The following DNAH5 variants were observed in gnomAD, a reference collection of about 807,000 sequenced individuals.
DNAH5 encodes dynein axonemal heavy chain 5.
Under a neutral mutation model 518.2 loss-of-function variants are expected in DNAH5, and 372 were observed. The observed-to-expected ratio is 0.72, with a 90% CI of 0.66 to 0.78. The LOEUF is 0.78. DNAH5 is among the 30% of genes least tolerant of loss of function. The pLI, the probability that DNAH5 is intolerant of heterozygous loss-of-function variation, is 0.00. For synonymous variants in DNAH5, 2,039 were observed against 2,025.9 expected (o/e 1.01, Z -0.17); for missense variants, 5,523 against 5,687.0 (o/e 0.97, Z 0.93).
At chr5:13,692,817 A>G (rs2126339479) in intron 78 of DNAH5, among the ~76,000 whole-genome samples, 1 of 152,274 alleles carries the variant, frequency 6.6e-6, no homozygotes, top group Non-Finnish European at 1.5e-5. Context: ...TTTCTAACAC[A>G]TCCATCTCCA....
intron 1 of DNAH5, among the ~76,000 whole-genome samples, chr5:13,971,157 T>C (rs1008815590): frequency 6.6e-6 from 1 of 152,204 alleles, no homozygotes; most frequent in African/African-American, 2.4e-5. Context: ...ATTTAGGCTA[T>C]TTCTCTGGAA....
chr5:13,766,140 C>T lies in DNAH5; in HGVS notation c.9937G>A (p.Gly3313Ser). Residue 3313 changes from glycine to serine, a missense_variant, in exon 59 of 79, where the codon GGC becomes AGC. This residue lies in a region of DNAH5 where 5,121 missense variants were observed against 5,223.3 expected (regional missense o/e 0.98). Coordinates refer to ENST00000265104, the MANE Select transcript of DNAH5 (RefSeq NM_001369.3). The stretch of plus-strand genomic sequence containing the variant: ...CGCATGATGAGGTGAGGGGGGCGGC[C>T]CAACGTGCGAACAGTGGCGATGTCC... Reference protein sequence around the residue: ...PSDIATVRTLGRPPHLIMRIM... With the variant: ...PSDIATVRTLSRPPHLIMRIM... The T allele has an allele frequency of 6.2e-7, 1 of 1,614,156 alleles. No homozygotes were observed. The highest frequency in any genetic ancestry group is 8.5e-7 in the Non-Finnish European group (1 of 1,180,018).
chr5:13,930,249 A>G (rs145492240), intron 2 of DNAH5, among the ~76,000 whole-genome samples: 101 of 152,282 alleles, frequency 6.6e-4, no homozygotes, highest in African/African-American at 2.4e-3. Flanking sequence ...TATCCAATGG[A>G]TCATAACTCT....
chr5:13,838,777 G>C (rs1764761212), intron 35 of DNAH5, among the ~76,000 whole-genome samples: 2 of 152,108 alleles, frequency 1.3e-5, no homozygotes, highest in South Asian at 4.1e-4. Flanking sequence ...TCTTCCACGA[G>C]ACCAATCCCT....
In DNAH5 at chr5:13,851,359, G is replaced by A. The variant is rs10042320; in HGVS notation, c.4951-544C>T. ...GTCTCACTCTGTTGTCCAGGCCAGA[G>A]TGCAGGTGCTCGGTCACAGCTCACT... On this transcript the variant is annotated intron_variant, in intron 30 of 78. Coordinates refer to ENST00000265104, the MANE Select transcript of DNAH5 (RefSeq NM_001369.3). 5.4e-3 allele frequency among the ~76,000 whole-genome samples: 816 copies of A among 152,288 alleles called. 4 individuals are homozygous for A. Among genetic ancestry groups the A allele is most frequent in the African/African-American group, 0.019 (777 of 41,550 alleles).
At chr5:13,964,332 T>A (rs2152050209) in intron 1 of DNAH5, among the ~76,000 whole-genome samples, 1 of 152,004 alleles carries the variant, frequency 6.6e-6, no homozygotes, top group East Asian at 1.9e-4. Flanking sequence ...ACTGGGTGAG[T>A]CTCTCCTGAG....
intron 49 of DNAH5, 136 bp from the exon 50 acceptor site, chr5:13,792,353 G>A (rs998746339): frequency 2.9e-6 from 2 of 690,988 alleles, no homozygotes; most frequent in Admixed American, 2.6e-5. Flanking sequence ...AGAAAAGTAT[G>A]TTAATGTTCT....
At chr5:13,999,838 C>T (rs2152082158) in intron 1 of DNAH5, among the ~76,000 whole-genome samples, 1 of 152,334 alleles carries the variant, frequency 6.6e-6, no homozygotes, top group African/African-American at 2.4e-5. Context: ...AGGATTTCCC[C>T]ATCTTTCCAA....
In DNAH5 at chr5:13,908,486, C is replaced by T. The variant is rs575532636; in HGVS notation, c.1644+2900G>A. 2.6e-5 allele frequency among the ~76,000 whole-genome samples: 4 copies of T among 152,304 alleles called. No homozygotes were observed. In the East Asian group the frequency reaches 5.8e-4, roughly 22 times the overall value. ...AGGCCTGGGCTGAACTCTCTGTCAACATGTAAGACCTAGACTTTTCTTGTT... is the reference window on the plus strand; with the variant it reads ...AGGCCTGGGCTGAACTCTCTGTCAATATGTAAGACCTAGACTTTTCTTGTT... On this transcript the variant is annotated intron_variant, in intron 12 of 78. Coordinates refer to ENST00000265104, the MANE Select transcript of DNAH5 (RefSeq NM_001369.3).
chr5:13,900,131 G>A, intron 15 of DNAH5, 75 bp downstream of exon 15: 3 of 1,317,792 alleles, frequency 2.3e-6, no homozygotes, highest in South Asian at 1.2e-5. Flanking sequence ...CCTTGAATAT[G>A]ACACATCACC....
chr5:13,842,418 AAAAGAAAAGAAAGAAAG>A (rs1765309834), intron 32 of DNAH5, among the ~76,000 whole-genome samples: 2 of 121,848 alleles, frequency 1.6e-5, no homozygotes, highest in Non-Finnish European at 1.7e-5. Context: ...GAAAGAAAAG[AAAAGAAAAGAAAGAAAG>A]AAAGAAAGAA....
chr5:13,739,700 C>A (rs1748141204), intron 65 of DNAH5, among the ~76,000 whole-genome samples: 1 of 152,092 alleles, frequency 6.6e-6, no homozygotes, highest in Non-Finnish European at 1.5e-5. Flanking sequence ...TTGTTATGAT[C>A]CGGTATGCAC....
chr5:13,842,974 T>C (rs1233409292), intron 32 of DNAH5, among the ~76,000 whole-genome samples: 2 of 152,194 alleles, frequency 1.3e-5, no homozygotes, highest in Admixed American at 1.3e-4. Flanking sequence ...TTATCTTCCA[T>C]ACAACTTGAG....
Position 13,793,705 on chromosome 5 carries a change from C to T in DNAH5, c.8034G>A (p.Gln2678=), listed in dbSNP as rs772704452. The T allele has an allele frequency of 1.2e-6, 2 of 1,614,022 alleles. No individual in the cohort carries two copies. The highest frequency in any genetic ancestry group is 1.7e-6 in the Non-Finnish European group (2 of 1,180,038). Residue 2678 remains glutamine, a synonymous_variant, in exon 49 of 79, where the codon CAG becomes CAA. Coordinates refer to ENST00000265104, the MANE Select transcript of DNAH5 (RefSeq NM_001369.3). The part of the protein sequence containing the change: ...GDQVTNEIVR[Q]LMEQNGFYNL... ...TATAGAATCCATTTTGTTCCATCAGCTGTCGCACTATCTCATTCGTAACCT... is the reference window on the plus strand; with the variant it reads ...TATAGAATCCATTTTGTTCCATCAGTTGTCGCACTATCTCATTCGTAACCT...
intron 74 of DNAH5, 71 bp from the exon 75 acceptor site, chr5:13,714,691 A>G: frequency 6.8e-7 from 1 of 1,474,278 alleles, no homozygotes; most frequent in Non-Finnish European, 9.4e-7. Context: ...CTATTTTAGG[A>G]AACAAAAATG....
chr5:13,788,548 C>A (rs1206444205), intron 51 of DNAH5, among the ~76,000 whole-genome samples, 168 bp downstream of exon 51: 1 of 152,214 alleles, frequency 6.6e-6, no homozygotes, highest in Non-Finnish European at 1.5e-5. Flanking sequence ...CATGATAATG[C>A]ATTAATTCAC....
At chr5:13,751,602 A>C (rs1750239805) in intron 64 of DNAH5, among the ~76,000 whole-genome samples, 1 of 152,170 alleles carries the variant, frequency 6.6e-6, no homozygotes, top group African/African-American at 2.4e-5. Flanking sequence ...CTACACATGC[A>C]CCGAAAGAGT....
rs189415294 is a variant in DNAH5, at chr5:13,894,351, C to T, written c.2431+299G>A. Among the ~76,000 whole-genome samples, 182 of 152,232 alleles carry T rather than the reference C, an allele frequency of 1.2e-3. 2 individuals are homozygous for T. The East Asian group carries it at 0.029, about 24-fold the overall frequency. ...TTTCAAATCAAGCTCTCAAAATACA[C>T]TAACCTATTTATATAAAAAGCTGAA... On this transcript the variant is annotated intron_variant, in intron 16 of 78. Transcript: ENST00000265104.
chr5:13,989,385 GAAA>G (rs200806487), intron 1 of DNAH5, among the ~76,000 whole-genome samples: 2 of 136,476 alleles, frequency 1.5e-5, no homozygotes, highest in Non-Finnish European at 3.2e-5. Context: ...GTTGTAAAAT[GAAA>G]AAAAAAATCC....
Sources: allele counts gnomAD v4.1 joint callset (sites outside exome capture counted in the v4.1 genomes callset), GRCh38; gene constraint gnomAD v4.1.1; regional missense constraint gnomAD v4.1.1; transcripts MANE v1.5; gene names NCBI Gene and HGNC (gene_info 2026-07-23, HGNC 2026-07-21).